The following ASIC2 variants were observed in gnomAD, a reference collection of about 807,000 sequenced individuals.
The protein encoded by ASIC2 is acid-sensing ion channel 2.
In ASIC2, 25 loss-of-function variants were observed where a neutral mutation model predicts 57.3. The observed-to-expected ratio is 0.44, with a 90% confidence interval of 0.32 to 0.61. ASIC2 has a LOEUF of 0.61. Among genes scored for constraint, ASIC2 ranks in the 20% least tolerant of loss-of-function variants. ASIC2 has a pLI of 0.06. For missense variants in ASIC2, 641 were observed against 738.1 expected (o/e 0.87, Z 1.52); for synonymous variants, 319 against 307.5 (o/e 1.04, Z -0.39).
chr17:33,143,513 T>A (rs866907711), intron 1 of ASIC2, among the ~76,000 whole-genome samples: 30 of 151,790 alleles, frequency 2.0e-4, no homozygotes, highest in African/African-American at 7.0e-4. Flanking sequence ...ATTAACCCCA[T>A]TTTGGGAAGA....
chr17:33,265,886 T>C (rs1909440201), intron 1 of ASIC2, among the ~76,000 whole-genome samples: 2 of 152,082 alleles, frequency 1.3e-5, no homozygotes, highest in South Asian at 4.1e-4. Flanking sequence ...CTCAACCTCA[T>C]CTTGAGTTTC....
chr17:33,315,389 G>A (rs1906603290), intron 1 of ASIC2, among the ~76,000 whole-genome samples: 1 of 152,194 alleles, frequency 6.6e-6, no homozygotes, highest in Non-Finnish European at 1.5e-5. Flanking sequence ...CAAGTAAGTA[G>A]AAAGCACATT....
At chr17:33,546,484 C>T (rs1279674325) in intron 1 of ASIC2, among the ~76,000 whole-genome samples, 1 of 152,158 alleles carries the variant, frequency 6.6e-6, no homozygotes, top group East Asian at 1.9e-4. Flanking sequence ...ACATCTAGAA[C>T]TTGGCATCAG....
At chr17:33,598,243 T>C (rs745951873) in intron 1 of ASIC2, among the ~76,000 whole-genome samples, 27 of 152,216 alleles carry the variant, frequency 1.8e-4, no homozygotes, top group Non-Finnish European at 3.5e-4. Context: ...TTTTAACTCA[T>C]GGTTGAATAT....
Position 33,291,945 on chromosome 17 carries a change from C to T in ASIC2, c.171G>A (p.Gly57=). The T allele has an allele frequency of 6.6e-7, 1 of 1,520,618 alleles. No homozygotes were observed. The highest frequency in any genetic ancestry group is 8.8e-7 in the Non-Finnish European group (1 of 1,142,708). 94.2% of individuals were successfully genotyped at this position (1,520,618 alleles called of 1,614,324 possible). A position where few individuals can be genotyped will look rare whatever the true frequency, so the allele number is the denominator to read the frequency against. Residue 57 remains glycine (G), a synonymous_variant, in exon 1 of 10, where the codon GGG becomes GGA. Coordinates refer to ENST00000225823, the MANE Select transcript of ASIC2 (RefSeq NM_183377.2). ...ALQGPGVARR[G]RPSLSRAKLH... is the part of the protein sequence containing the mutation. ...GTTTAGCGCGGCTCAGCGATGGCCG[C>T]CCCCTGCGGGCGACCCCTGGCCCCT...
intron 1 of ASIC2, among the ~76,000 whole-genome samples, chr17:33,256,741 A>G (rs1479983099): frequency 6.6e-6 from 1 of 152,184 alleles, no homozygotes; most frequent in Non-Finnish European, 1.5e-5. Flanking sequence ...CTGAGGCAGG[A>G]GGATCACTTG....
intron 1 of ASIC2, among the ~76,000 whole-genome samples, chr17:34,056,212 C>T (rs1017762898): frequency 2.0e-5 from 3 of 152,172 alleles, no homozygotes; most frequent in Non-Finnish European, 2.9e-5. Context: ...ATTTAGGCAA[C>T]ATCCAAGGAT....
At chr17:33,650,053 G>C (rs2916597) in intron 1 of ASIC2, among the ~76,000 whole-genome samples, 118,028 of 152,162 alleles carry the variant, frequency 0.78, 46,088 homozygotes, top group African/African-American at 0.86. Context: ...AAAAGACAAG[G>C]TACAAAATGA....
chr17:33,593,572 TG>T (rs1274347053), intron 1 of ASIC2, among the ~76,000 whole-genome samples: 5 of 152,172 alleles, frequency 3.3e-5, no homozygotes, highest in African/African-American at 7.2e-5. Context: ...CTCTGGGCCT[TG>T]GTGAAATGGT....
Position 33,015,966 on chromosome 17 carries a change from C to T in ASIC2, c.1590+5G>A, listed in dbSNP as rs763695729. 9 of 1,613,948 alleles carry T rather than the reference C, an allele frequency of 5.6e-6. No homozygotes were observed. The highest frequency in any genetic ancestry group is 7.6e-6 in the Non-Finnish European group (9 of 1,179,938). On this transcript the variant is annotated splice_donor_5th_base_variant and intron_variant, in intron 9 of 9. Transcript: ENST00000225823. ...AACAACTTCCAATCAGTGAGCTGCT[C>T]TTACCACATTCTCATCGTGGCTCCC... is the stretch of plus-strand genomic sequence containing the variant.
At position 33,037,416 on chromosome 17, in the gene ASIC2, G is replaced by A. The variant is rs146887800; in HGVS notation, c.988-9024C>T. Among the ~76,000 whole-genome samples the A allele has an allele frequency of 6.2e-3, 771 of 125,058 alleles. 8 individuals are homozygous for A. Among genetic ancestry groups the A allele is most frequent in the African/African-American group, 0.023 (714 of 31,450 alleles). 82.0% of individuals were successfully genotyped at this position (125,058 alleles called of 152,430 possible). On this transcript the variant is annotated intron_variant, in intron 3 of 9. Coordinates refer to ENST00000225823, the MANE Select transcript of ASIC2 (RefSeq NM_183377.2). ...TTTTTTTTTTTTTTTTTTTTTTGCA[G>A]AGGTCATGATTCAGATACCCCTCCA...
intron 1 of ASIC2, among the ~76,000 whole-genome samples, chr17:33,995,555 G>GAA (rs1470084037): frequency 4.6e-5 from 7 of 151,972 alleles, no homozygotes; most frequent in African/African-American, 2.4e-5. Context: ...AACTGATGAA[G>GAA]AAAAATTGTA....
At chr17:33,744,177 GA>G (rs1208506778) in intron 1 of ASIC2, among the ~76,000 whole-genome samples, 1 of 152,200 alleles carries the variant, frequency 6.6e-6, no homozygotes, top group African/African-American at 2.4e-5. Context: ...TAGTTCACTA[GA>G]AAGAACCAGA....
chr17:34,014,554 C>G (rs1906877929), intron 1 of ASIC2, among the ~76,000 whole-genome samples: 1 of 152,188 alleles, frequency 6.6e-6, no homozygotes, highest in Non-Finnish European at 1.5e-5. Flanking sequence ...CAGGCCCCGT[C>G]CACAGACACC....
intron 1 of ASIC2, among the ~76,000 whole-genome samples, chr17:34,049,648 T>C (rs914060178): frequency 2.6e-5 from 4 of 152,178 alleles, no homozygotes; most frequent in Non-Finnish European, 5.9e-5. Context: ...CCATCCTTTA[T>C]CAAAACCCAC....
chr17:33,328,375 A>G (rs1263605254), intron 1 of ASIC2, among the ~76,000 whole-genome samples: 2 of 152,156 alleles, frequency 1.3e-5, no homozygotes, highest in African/African-American at 4.8e-5. Context: ...GGCAAAGTTG[A>G]GAATCACGAG....
At chr17:33,870,224 G>GTTTTTTTTTTTTTTTTTTTT (rs869267956) in intron 1 of ASIC2, among the ~76,000 whole-genome samples, 2 of 50,116 alleles carry the variant, frequency 4.0e-5, no homozygotes, top group African/African-American at 8.0e-5. Context: ...GAGAAATTCT[G>GTTTTTTTTTTTTTTTTTTTT]TTTTTTTTTT....
intron 1 of ASIC2, among the ~76,000 whole-genome samples, chr17:33,628,746 C>T (rs1023523940): frequency 2.6e-5 from 4 of 152,094 alleles, no homozygotes; most frequent in African/African-American, 7.2e-5. Context: ...CCATAACAGC[C>T]CTCTGAGGTT....
At chr17:34,052,462 C>T (rs759531994) in intron 1 of ASIC2, among the ~76,000 whole-genome samples, 6 of 152,134 alleles carry the variant, frequency 3.9e-5, no homozygotes, top group East Asian at 1.9e-4. Context: ...CGGAGAATGG[C>T]GACGATTACT....
Sources: allele counts gnomAD v4.1 joint callset (sites outside exome capture counted in the v4.1 genomes callset), GRCh38; gene constraint gnomAD v4.1.1; transcripts MANE v1.5; gene names NCBI Gene and HGNC (gene_info 2026-07-23, HGNC 2026-07-21).